The following SLIT1 variants were observed in gnomAD, a reference collection of about 807,000 sequenced individuals.
The protein encoded by SLIT1 is slit guidance ligand 1.
SLIT1 carries 66 observed loss-of-function variants against 186.1 expected under a neutral mutation model. The observed-to-expected ratio is 0.35, with a 90% CI of 0.29 to 0.44. The LOEUF (loss-of-function observed/expected upper bound fraction) is 0.44. Ranked by LOEUF, SLIT1 falls within the 20% of genes least tolerant of loss-of-function variation. The pLI, the probability that SLIT1 is intolerant of heterozygous loss-of-function variation, is 1.00. For missense variants in SLIT1, 1,638 were observed against 2,037.4 expected (o/e 0.80, Z 3.77); for synonymous variants, 761 against 833.8 (o/e 0.91, Z 1.50).
chr10:97,003,267 A>C (rs924724446), intron 34 of SLIT1, among the ~76,000 whole-genome samples: 6 of 152,144 alleles, frequency 3.9e-5, no homozygotes, highest in Non-Finnish European at 8.8e-5. Flanking sequence ...CCTGTTCCTA[A>C]AGTCTGGCTT....
At chr10:97,074,602 A>G (rs113523587) in intron 4 of SLIT1, among the ~76,000 whole-genome samples, 3,665 of 152,308 alleles carry the variant, frequency 0.024, 131 homozygotes, top group African/African-American at 0.075. Context: ...ACACCAGCTC[A>G]AGGCAAGGGC....
In SLIT1 at chr10:97,037,776, G is replaced by C. The variant is rs757474996; in HGVS notation, c.2298-10C>G. On this transcript the variant is annotated splice_polypyrimidine_tract_variant and intron_variant, in intron 21 of 36. Coordinates refer to ENST00000266058, the MANE Select transcript of SLIT1 (RefSeq NM_003061.3). Reference sequence around the variant, plus strand: ...GTTCCCGTCCAAATAGCTGCAGAGAGAACACAGCGGCGTTAGTGCCCATCT... The same window carrying C: ...GTTCCCGTCCAAATAGCTGCAGAGACAACACAGCGGCGTTAGTGCCCATCT... The C allele has an allele frequency of 3.1e-6, 5 of 1,596,024 alleles. No homozygotes were observed. The highest frequency in any genetic ancestry group is 4.3e-6 in the Non-Finnish European group (5 of 1,165,146).
chr10:97,050,568 A>AGTTTGCACAGAG (rs1319828930), intron 13 of SLIT1, among the ~76,000 whole-genome samples: 11 of 152,130 alleles, frequency 7.2e-5, no homozygotes, highest in African/African-American at 2.7e-4. Flanking sequence ...TTAAACTTTC[A>AGTTTGCACAGAG]GTTTGCACAG....
intron 4 of SLIT1, among the ~76,000 whole-genome samples, chr10:97,111,503 G>A (rs578255928): frequency 7.9e-5 from 12 of 152,236 alleles, no homozygotes; most frequent in African/African-American, 1.9e-4. Context: ...TGCTCCCGCC[G>A]CGGAGAAACC....
At chr10:97,011,209 C>T (rs1389705770) in intron 30 of SLIT1, 79 bp from the exon 31 acceptor site, 3 of 975,552 alleles carry the variant, frequency 3.1e-6, no homozygotes, top group South Asian at 2.8e-5. Context: ...CCAGGGATCC[C>T]CCACACAGTC....
In SLIT1 at chr10:97,006,028, C is replaced by T. The variant is rs1350405859; in HGVS notation, c.3579+455G>A. On this transcript the variant is annotated intron_variant, in intron 32 of 36. Coordinates refer to ENST00000266058, the MANE Select transcript of SLIT1 (RefSeq NM_003061.3). This position sits in a 1 kb window ranked among gnomAD's most constrained non-coding sequence, Gnocchi z 4.0. ...TGAAGTGGGAATTGCTTTATTTTCC[C>T]CTCAACATGAAGATGTTCTGAGATG... is the stretch of plus-strand genomic sequence containing the variant. Among the ~76,000 whole-genome samples the T allele has an allele frequency of 6.6e-6, 1 of 152,078 alleles. No individual in the cohort carries two copies. Among genetic ancestry groups the T allele is most frequent in the Non-Finnish European group, 1.5e-5 (1 of 68,010 alleles).
intron 25 of SLIT1, among the ~76,000 whole-genome samples, chr10:97,027,235 G>C (rs774805013): frequency 6.6e-6 from 1 of 152,192 alleles, no homozygotes; most frequent in Non-Finnish European, 1.5e-5. Flanking sequence ...TGAATGTAGT[G>C]GGTCTATGTC....
At chr10:97,046,025 G>A (rs117257558) in intron 18 of SLIT1, among the ~76,000 whole-genome samples, 2,133 of 152,332 alleles carry the variant, frequency 0.014, 18 homozygotes, top group Non-Finnish European at 0.022. Context: ...GGTCTGGACA[G>A]CGTAGACTTG....
At position 97,004,656 on chromosome 10, in the gene SLIT1, C is replaced by A. The variant is rs1272554560; in HGVS notation, c.3710+37G>T. On this transcript the variant is annotated intron_variant, in intron 33 of 36. Transcript: ENST00000266058. The surrounding 1 kb of genome is among the most constrained non-coding windows in gnomAD (Gnocchi z 5.1). Reference sequence around the variant, plus strand: ...GAGACCTCGCCCTGGCAGTCCCGTACCCCTGAGGGCAGCTGGGGGGCATAA... The same window carrying A: ...GAGACCTCGCCCTGGCAGTCCCGTAACCCTGAGGGCAGCTGGGGGGCATAA... 1 of 1,613,100 alleles carries A rather than the reference C, an allele frequency of 6.2e-7. No individual in the cohort carries two copies. Among genetic ancestry groups the A allele is most frequent in the Non-Finnish European group, 8.5e-7 (1 of 1,179,392 alleles).
At chr10:97,067,231 G>A (rs892910585) in intron 4 of SLIT1, among the ~76,000 whole-genome samples, 14 of 152,292 alleles carry the variant, frequency 9.2e-5, no homozygotes, top group East Asian at 7.7e-4. Flanking sequence ...GGGAGGGGGC[G>A]CTGTCAGGAC....
chr10:97,104,136 A>C (rs1237593771), intron 4 of SLIT1, among the ~76,000 whole-genome samples: 1 of 151,936 alleles, frequency 6.6e-6, no homozygotes, highest in Admixed American at 6.6e-5. Context: ...GCCGAGTGGG[A>C]GTTACCTTTT....
intron 23 of SLIT1, among the ~76,000 whole-genome samples, chr10:97,034,075 G>C (rs1285703979): frequency 6.6e-6 from 1 of 152,090 alleles, no homozygotes; most frequent in African/African-American, 2.4e-5. Flanking sequence ...ATGTTGGTCA[G>C]GGTGGTCTTG....
At chr10:97,121,659 G>A (rs1021302077) in intron 4 of SLIT1, among the ~76,000 whole-genome samples, 1 of 152,164 alleles carries the variant, frequency 6.6e-6, no homozygotes, top group Non-Finnish European at 1.5e-5. Context: ...TAAGTGCAGC[G>A]TGATTCTGCA....
intron 28 of SLIT1, among the ~76,000 whole-genome samples, chr10:97,017,221 G>A (rs926156624): frequency 8.5e-5 from 13 of 152,154 alleles, no homozygotes; most frequent in African/African-American, 2.7e-4. Flanking sequence ...GTTGCTCACC[G>A]AAGCCCCGAG....
chr10:97,035,972 A>G (rs1364117530), intron 22 of SLIT1, among the ~76,000 whole-genome samples: 2 of 151,958 alleles, frequency 1.3e-5, no homozygotes, highest in African/African-American at 4.8e-5. Flanking sequence ...CCTAATCAGC[A>G]TTGACCTCTG....
intron 4 of SLIT1, among the ~76,000 whole-genome samples, chr10:97,110,334 C>A (rs1041790242): frequency 2.6e-5 from 4 of 152,122 alleles, no homozygotes; most frequent in African/African-American, 7.2e-5. Context: ...AGGTATTCAC[C>A]GAAGACGCTC....
Position 97,059,469 on chromosome 10 carries a change from A to G in SLIT1, c.1076T>C (p.Leu359Pro). ...APDAFQGLRS[L>P]NSLVLYGNKI... ...TGGCACTGCTACTCACAGCGAGTTC[A>G]GGGAGCGGAGGCCCTGGAAGGCGTC... Residue 359 changes from leucine to proline, a missense_variant, in exon 11 of 37, where the codon CTG becomes CCG. This residue lies in a region of SLIT1 where 1,245 missense variants were observed against 1,535.3 expected (regional missense o/e 0.81). Transcript: ENST00000266058. The G allele has an allele frequency of 6.2e-7, 1 of 1,613,660 alleles. No homozygotes were observed. Among genetic ancestry groups the G allele is most frequent in the Non-Finnish European group, 8.5e-7 (1 of 1,179,878 alleles).
Position 97,014,093 on chromosome 10 carries a change from T to A in SLIT1, c.3035A>T (p.His1012Leu). ...CGVNTDDCVD[H>L]ACANGGVCVD... Reference sequence around the variant, plus strand: ...ACAGACGCCCCCATTGGCACAGGCATGATCCACACAGTCATCTGTGTTCAC... The same window carrying A: ...ACAGACGCCCCCATTGGCACAGGCAAGATCCACACAGTCATCTGTGTTCAC... Residue 1012 changes from histidine to leucine, a missense_variant, in exon 29 of 37, where the codon CAT becomes CTT. This residue lies in a region of SLIT1 where 1,245 missense variants were observed against 1,535.3 expected (regional missense o/e 0.81). Transcript: ENST00000266058. The A allele has an allele frequency of 6.2e-7, 1 of 1,613,894 alleles. No individual in the cohort carries two copies.
intron 4 of SLIT1, among the ~76,000 whole-genome samples, chr10:97,119,153 C>T (rs886509284): frequency 2.6e-5 from 4 of 152,192 alleles, no homozygotes; most frequent in East Asian, 3.8e-4. Flanking sequence ...GAAGAATTCT[C>T]CGTCCTCACC....
Sources: gnomAD v4.1 joint callset for allele counts (sites outside exome capture counted in the v4.1 genomes callset) on GRCh38, gnomAD v4.1.1 for gene constraint, gnomAD v4.1.1 regional missense constraint, Gnocchi (gnomAD v3.1) non-coding constraint, MANE v1.5 for transcripts, NCBI Gene and HGNC (gene_info 2026-07-23, HGNC 2026-07-21) for gene names.